Variants in MECR observed in about 807,000 individuals in gnomAD.
MECR encodes enoyl-[acyl-carrier-protein] reductase, mitochondrial.
In MECR, 37 loss-of-function variants were observed where a neutral mutation model predicts 49.1. The observed-to-expected ratio is 0.75, with a 90% CI of 0.58 to 0.99. The LOEUF (loss-of-function observed/expected upper bound fraction) is 0.99, where lower values mean the gene tolerates loss of function less well. MECR is among the 50% of genes least tolerant of loss of function. The pLI is 0.00. For synonymous variants in MECR, 198 were observed against 191.1 expected (o/e 1.04, Z -0.30); for missense variants, 470 against 479.6 (o/e 0.98, Z 0.19).
chr1:29,217,211 GT>G lies in MECR; in HGVS notation c.177-527del, dbSNP rs796559272. Among the ~76,000 whole-genome samples the G allele has an allele frequency of 7.1e-3, 862 of 121,514 alleles. 6 individuals are homozygous for G. Among genetic ancestry groups the G allele is most frequent in the East Asian group, 0.017 (69 of 4,020 alleles). The allele number at this position is 121,514 out of a possible 152,430, so 79.7% of individuals were successfully genotyped here. A position where few individuals can be genotyped will look rare whatever the true frequency, so the allele number is the denominator to read the frequency against. ...TAACTGCAAGTGGAAAACCCACAGT[GT>G]TTTTTTTTTTTTTTTTAGACAGAGT... On this transcript the variant is annotated intron_variant, in intron 1 of 9. Transcript: ENST00000263702.
intron 9 of MECR, among the ~76,000 whole-genome samples, chr1:29,194,704 C>A (rs1409850467): frequency 2.0e-5 from 3 of 152,108 alleles, no homozygotes; most frequent in African/African-American, 7.2e-5. Flanking sequence ...TGCGAAGGAC[C>A]CTATATGGTA....
At chr1:29,225,722 A>G (rs1413742015) in intron 1 of MECR, among the ~76,000 whole-genome samples, 1 of 152,184 alleles carries the variant, frequency 6.6e-6, no homozygotes, top group East Asian at 1.9e-4. Context: ...TCCCCAAAGT[A>G]CTAAAATGTG....
chr1:29,169,432 G>A, the MECR span: 1 of 152,178 alleles, frequency 6.6e-6, no homozygotes, highest in Admixed American at 6.5e-5. Flanking sequence ...AGGAATATAA[G>A]CATCTTATGA....
chr1:29,230,639 C>A, intron 1 of MECR, 92 bp downstream of exon 1: 1 of 1,469,612 alleles, frequency 6.8e-7, no homozygotes, highest in South Asian at 1.3e-5. Flanking sequence ...CCCCCTTCCT[C>A]GGACCCTGTC....
At chr1:29,211,588 G>A (rs1483742035) in intron 3 of MECR, among the ~76,000 whole-genome samples, 1 of 152,216 alleles carries the variant, frequency 6.6e-6, no homozygotes, top group Non-Finnish European at 1.5e-5. Flanking sequence ...ATTCTCAGTT[G>A]AGTACTGCTG....
At chr1:29,207,348 G>A (rs1332518832) in intron 3 of MECR, among the ~76,000 whole-genome samples, 1 of 152,034 alleles carries the variant, frequency 6.6e-6, no homozygotes, top group Non-Finnish European at 1.5e-5. Flanking sequence ...TTGAACTCCC[G>A]GTCTCAGGTG....
the MECR span, chr1:29,170,279 T>C: frequency 6.6e-6 from 1 of 152,214 alleles, no homozygotes; most frequent in East Asian, 1.9e-4. Flanking sequence ...AAAGTCACAT[T>C]ACCAATTTAG....
At chr1:29,175,643 C>T in the MECR span, among the ~76,000 whole-genome samples, 34 of 116,568 alleles carry the variant, frequency 2.9e-4, no homozygotes, top group East Asian at 6.5e-3. Flanking sequence ...TGCAGTGAGC[C>T]GAGATTGCGC....
chr1:29,200,278 T>C lies in MECR; in HGVS notation c.830+238A>G, dbSNP rs745865017. 186 of 381,832 alleles carry C rather than the reference T, an allele frequency of 4.9e-4. No homozygotes were observed. Among genetic ancestry groups the C allele is most frequent in the Non-Finnish European group, 4.1e-4 (85 of 208,576 alleles). 23.7% of individuals were successfully genotyped at this position (381,832 alleles called of 1,614,324 possible). A position where few individuals can be genotyped will look rare whatever the true frequency, so the allele number is the denominator to read the frequency against. On this transcript the variant is annotated intron_variant, in intron 7 of 9. Coordinates refer to ENST00000263702, the MANE Select transcript of MECR (RefSeq NM_016011.5). Reference sequence around the variant, plus strand: ...TATGGCAGGCAGCTTAGCAGTCTACTTCTGGGGTCCCTTGGAAAAATAAAG... The same window carrying C: ...TATGGCAGGCAGCTTAGCAGTCTACCTCTGGGGTCCCTTGGAAAAATAAAG...
At chr1:29,202,272 G>A (rs1675509948) in intron 5 of MECR, among the ~76,000 whole-genome samples, 1 of 152,168 alleles carries the variant, frequency 6.6e-6, no homozygotes, top group Non-Finnish European at 1.5e-5. Flanking sequence ...GTTTTCACAG[G>A]CCCTGACAGC....
chr1:29,169,530 G>A, the MECR span: 3 of 152,288 alleles, frequency 2.0e-5, no homozygotes, highest in South Asian at 6.2e-4. Context: ...TTCTCTACAA[G>A]TGGAACCAAA....
rs76134751 is a variant in MECR, at chr1:29,218,265, C to T, written c.177-1580G>A. ...AAAGCTTTTTAAAAAAGGAGCTCTG[C>T]CAACCAGATACTACTGGTCAGTGTA... On this transcript the variant is annotated intron_variant, in intron 1 of 9. Coordinates refer to ENST00000263702, the MANE Select transcript of MECR (RefSeq NM_016011.5). Among the ~76,000 whole-genome samples, 508 of 152,326 alleles carry T rather than the reference C, an allele frequency of 3.3e-3. 3 individuals carry two copies. The highest frequency in any genetic ancestry group is 0.011 in the African/African-American group (455 of 41,572).
chr1:29,220,941 C>T (rs2151907630), intron 1 of MECR: 1 of 984,910 alleles, frequency 1.0e-6, no homozygotes, highest in East Asian at 1.1e-4. Context: ...ATCACTGAGT[C>T]ACTGAAAGGA....
downstream of MECR, among the ~76,000 whole-genome samples, chr1:29,191,949 AG>A (rs1673146717): frequency 6.6e-6 from 1 of 152,124 alleles, no homozygotes; most frequent in East Asian, 1.9e-4. Context: ...AAAATTAGCC[AG>A]GTGTGGTGGC....
At chr1:29,222,843 C>T (rs1681107700) in intron 1 of MECR, among the ~76,000 whole-genome samples, 1 of 152,142 alleles carries the variant, frequency 6.6e-6, no homozygotes, top group Admixed American at 6.5e-5. Context: ...TGCCTCTCAC[C>T]AGGGAGGCCA....
chr1:29,216,436 CAGACAGGGCTGACACAG>C, intron 2 of MECR, 135 bp downstream of exon 2: 3 of 858,218 alleles, frequency 3.5e-6, no homozygotes, highest in Non-Finnish European at 5.6e-6. Context: ...AAAGGGAGGC[CAGACAGGGCTGACACAG>C]CCTGCAGACG....
intron 1 of MECR, chr1:29,224,583 G>A (rs764117126): frequency 2.6e-5 from 4 of 152,262 alleles, no homozygotes; most frequent in Non-Finnish European, 4.4e-5. Context: ...GGCAGGAAGA[G>A]CGTTGTCTGG....
chr1:29,216,135 T>C lies in MECR; in HGVS notation c.276A>G (p.Gly92=). The C allele has an allele frequency of 1.9e-6, 3 of 1,613,770 alleles. No homozygotes were observed. The highest frequency in any genetic ancestry group is 2.5e-6 in the Non-Finnish European group (3 of 1,179,788). ...GCAGTTCAGGAAGGAATCCGTAGTT[T>C]CCTGAGGGAGAAGAGCATTAAAGGG... The part of the protein sequence containing the change: ...INPSDINMIQ[G]NYGFLPELPA... Residue 92 remains glycine (G), a splice_region_variant and synonymous_variant, in exon 3 of 10, where the codon GGA becomes GGG. Coordinates refer to ENST00000263702, the MANE Select transcript of MECR (RefSeq NM_016011.5).
In MECR at chr1:29,230,848, A is replaced by T; in HGVS notation, c.59T>A (p.Leu20Gln). 1 of 1,602,522 alleles carries T rather than the reference A, an allele frequency of 6.2e-7. No individual in the cohort carries two copies. The change falls in exon 1 of 10, where the codon CTG (leucine) becomes CAG (glutamine). Residue 20 changes from leucine to glutamine, a missense_variant. Coordinates refer to ENST00000263702, the MANE Select transcript of MECR (RefSeq NM_016011.5). Reference protein sequence around the residue: ...VRTPARQWRGLLPASGCHGPA... With the variant: ...VRTPARQWRGQLPASGCHGPA... The stretch of plus-strand genomic sequence containing the variant: ...TCCGTGACAGCCAGAAGCTGGGAGC[A>T]GCCCCCGCCACTGCCGGGCGGGGGT...
Sources: gnomAD v4.1 joint callset for allele counts (sites outside exome capture counted in the v4.1 genomes callset) on GRCh38, gnomAD v4.1.1 for gene constraint, MANE v1.5 for transcripts, NCBI Gene and HGNC (gene_info 2026-07-23, HGNC 2026-07-21) for gene names.